The following LGALS9 variants were observed in gnomAD, a reference collection of about 807,000 sequenced individuals.
LGALS9 encodes the protein galectin-9.
LGALS9 carries 26 observed loss-of-function variants against 35.9 expected under a neutral mutation model. That is an observed-to-expected ratio of 0.72 (90% CI 0.53 to 1.01). The LOEUF is 1.01. Ranked by LOEUF, LGALS9 falls within the 50% of genes least tolerant of loss-of-function variation. LGALS9 has a pLI of 0.00. For synonymous variants in LGALS9, 149 were observed against 172.2 expected (o/e 0.87, Z 1.06); for missense variants, 347 against 445.8 (o/e 0.78, Z 1.99).
intron 1 of LGALS9, among the ~76,000 whole-genome samples, chr17:27,634,584 C>T (rs1015647966): frequency 5.1e-4 from 78 of 151,992 alleles, no homozygotes; most frequent in African/African-American, 1.4e-3. Context: ...CGAAAACAAA[C>T]AAAAACCCCC....
At chr17:27,643,838 A>C (rs1259896063) in intron 5 of LGALS9, among the ~76,000 whole-genome samples, 2 of 152,156 alleles carry the variant, frequency 1.3e-5, no homozygotes, top group Non-Finnish European at 2.9e-5. Flanking sequence ...CCAAGGCACG[A>C]ACGTGTCTCC....
chr17:27,645,993 C>A (rs548569517), intron 7 of LGALS9, 82 bp downstream of exon 7: 7 of 1,602,382 alleles, frequency 4.4e-6, no homozygotes, highest in South Asian at 1.1e-5. Context: ...GCCCTAGAGT[C>A]GGGAAGAAAG....
chr17:27,648,650 C>T (rs1567920746), intron 10 of LGALS9, among the ~76,000 whole-genome samples, 186 bp from the exon 11 acceptor site: 1 of 150,522 alleles, frequency 6.6e-6, no homozygotes, highest in South Asian at 2.1e-4. Context: ...GACCAGGGAA[C>T]AGTACAGGGG....
At chr17:27,648,703 T>TG in intron 10 of LGALS9, 133 bp from the exon 11 acceptor site, 1 of 1,435,760 alleles carries the variant, frequency 7.0e-7, no homozygotes, top group South Asian at 1.3e-5. Flanking sequence ...CGTCGTTCAG[T>TG]GGGGATAGAG....
intron 1 of LGALS9, 149 bp downstream of exon 1, chr17:27,631,453 T>C: frequency 9.2e-7 from 1 of 1,089,600 alleles, no homozygotes; most frequent in Non-Finnish European, 1.3e-6. Context: ...GAGGAGGTCA[T>C]CCTGGCACAC....
At chr17:27,635,442 CTAAATAAATAAATAAA>C (rs67262429) in intron 1 of LGALS9, among the ~76,000 whole-genome samples, 1,937 of 140,470 alleles carry the variant, frequency 0.014, 38 homozygotes, top group African/African-American at 0.046. Flanking sequence ...GAACCCATCT[CTAAATAAATAAATAAA>C]TAAATAAATA....
chr17:27,643,157 C>G (rs1332205213), intron 4 of LGALS9, among the ~76,000 whole-genome samples: 1 of 152,218 alleles, frequency 6.6e-6, no homozygotes, highest in East Asian at 1.9e-4. Context: ...CCACAGGGCA[C>G]CAGCAGCTGG....
intron 1 of LGALS9, 125 bp downstream of exon 1, chr17:27,631,429 G>A (rs1278694327): frequency 3.8e-6 from 5 of 1,300,252 alleles, no homozygotes; most frequent in Non-Finnish European, 5.4e-6. Flanking sequence ...AACACAAGCA[G>A]GGCAGAAATA....
At chr17:27,631,875 C>T (rs1026139007) in intron 1 of LGALS9, among the ~76,000 whole-genome samples, 2 of 151,870 alleles carry the variant, frequency 1.3e-5, no homozygotes, top group Admixed American at 6.6e-5. Context: ...TATTGGGTGT[C>T]TGAGGGCAGC....
chr17:27,639,957 C>T (rs1050868164), intron 2 of LGALS9, among the ~76,000 whole-genome samples: 16 of 152,054 alleles, frequency 1.1e-4, no homozygotes, highest in African/African-American at 3.1e-4. Flanking sequence ...AGGATGGTCT[C>T]GAACTCCAGA....
chr17:27,640,257 A>C, intron 2 of LGALS9: 1 of 415,592 alleles, frequency 2.4e-6, no homozygotes, highest in African/African-American at 2.0e-5. Context: ...GTGCTTAACA[A>C]CTTCCATCTT....
intron 1 of LGALS9, among the ~76,000 whole-genome samples, chr17:27,631,548 G>C (rs9908096): frequency 0.21 from 32,306 of 152,228 alleles, 3,665 homozygotes; most frequent in Admixed American, 0.29. Flanking sequence ...GAGCTGTCCT[G>C]TCCTGTCCTG....
At chr17:27,632,312 C>G (rs1362137513) in intron 1 of LGALS9, among the ~76,000 whole-genome samples, 2 of 152,106 alleles carry the variant, frequency 1.3e-5, no homozygotes, top group Non-Finnish European at 2.9e-5. Context: ...GGGAGGGAAG[C>G]TGCCATGGCC....
chr17:27,642,217 AC>A lies in LGALS9; in HGVS notation c.334-20del. ...CCCAGCCTGGGATGCCTCCCCCAGA[AC>A]ATGTGCTCTCCTCTGGCAGGTGATG... On this transcript the variant is annotated intron_variant, in intron 3 of 10. Transcript: ENST00000395473. 10 of 1,556,346 alleles carry A rather than the reference AC, an allele frequency of 6.4e-6. 1 individual carries two copies. The highest frequency in any genetic ancestry group is 8.8e-6 in the Non-Finnish European group (10 of 1,134,206).
At chr17:27,632,055 C>A (rs781306571) in intron 1 of LGALS9, among the ~76,000 whole-genome samples, 2 of 151,900 alleles carry the variant, frequency 1.3e-5, no homozygotes, top group Non-Finnish European at 2.9e-5. Context: ...GTTTATGAGT[C>A]CCCTTCATAC....
In LGALS9 at chr17:27,646,712, G is replaced by T. The variant is rs1904976089; in HGVS notation, c.669+124G>T. The stretch of plus-strand genomic sequence containing the variant: ...AAGCAGTCATTTGTTAAGCTGAAGG[G>T]CTTCAAAGCATCCCAGCGAATTAGA... On this transcript the variant is annotated intron_variant, in intron 8 of 10. Coordinates refer to ENST00000395473, the MANE Select transcript of LGALS9 (RefSeq NM_009587.3). The T allele has an allele frequency of 2.0e-6, 3 of 1,492,008 alleles. No homozygotes were observed. The East Asian group carries it at 6.8e-5, about 34-fold the overall frequency. The allele number at this position is 1,492,008 out of a possible 1,614,324, so 92.4% of individuals were successfully genotyped here. A position where few individuals can be genotyped will look rare whatever the true frequency, so the allele number is the denominator to read the frequency against.
At chr17:27,647,204 G>A (rs1183312790) in intron 9 of LGALS9, 66 bp from the exon 10 acceptor site, 1 of 1,613,580 alleles carries the variant, frequency 6.2e-7, no homozygotes, top group Admixed American at 1.7e-5. Context: ...GAAGGCTACT[G>A]ATGATGGGGA....
intron 10 of LGALS9, 81 bp from the exon 11 acceptor site, chr17:27,648,755 G>T: frequency 6.3e-7 from 1 of 1,593,460 alleles, no homozygotes. Context: ...GGGAGGGAGG[G>T]TGGGAGGGAG....
Position 27,642,224 on chromosome 17 carries a change from C to G in LGALS9, c.334-14C>G. ...TGGGATGCCTCCCCCAGAACATGTGCTCTCCTCTGGCAGGTGATGGTGAAC... is the reference window on the plus strand; with the variant it reads ...TGGGATGCCTCCCCCAGAACATGTGGTCTCCTCTGGCAGGTGATGGTGAAC... On this transcript the variant is annotated splice_polypyrimidine_tract_variant and intron_variant, in intron 3 of 10. Transcript: ENST00000395473. 1.3e-6 allele frequency: 2 copies of G among 1,583,362 alleles called. No homozygotes were observed. Among genetic ancestry groups the G allele is most frequent in the Non-Finnish European group, 1.7e-6 (2 of 1,158,046 alleles).
Sources: allele counts gnomAD v4.1 joint callset (sites outside exome capture counted in the v4.1 genomes callset), GRCh38; gene constraint gnomAD v4.1.1; transcripts MANE v1.5; gene names NCBI Gene and HGNC (gene_info 2026-07-23, HGNC 2026-07-21).